The following NME5 variants were observed in gnomAD, a reference collection of about 807,000 sequenced individuals.
NME5 encodes nucleoside diphosphate kinase 5.
Under a neutral mutation model 21.6 loss-of-function variants are expected in NME5, and 18 were observed. That is an observed-to-expected ratio of 0.83 (90% CI 0.58 to 1.24). The LOEUF (loss-of-function observed/expected upper bound fraction) is 1.24, where lower values mean the gene tolerates loss of function less well. NME5 is among the 50% of genes most tolerant of loss of function. NME5 has a pLI of 0.00. For synonymous variants in NME5, 70 were observed against 80.6 expected (o/e 0.87, Z 0.71); for missense variants, 223 against 255.4 (o/e 0.87, Z 0.86).
At chr5:138,127,376 T>C in intron 4 of NME5, 1 of 586,832 alleles carries the variant, frequency 1.7e-6, no homozygotes. Flanking sequence ...TTGTATCACA[T>C]CAGTTATTCA....
At chr5:138,132,757 C>T (rs1019670098) in intron 2 of NME5, among the ~76,000 whole-genome samples, 9 of 152,134 alleles carry the variant, frequency 5.9e-5, no homozygotes, top group African/African-American at 2.2e-4. Flanking sequence ...GAATAGGACC[C>T]ACTGGATTCT....
intron 4 of NME5, among the ~76,000 whole-genome samples, chr5:138,122,802 T>C (rs1581378273): frequency 6.6e-6 from 1 of 151,898 alleles, no homozygotes; most frequent in East Asian, 1.9e-4. Flanking sequence ...CTCAGCCTCC[T>C]GAGTAGCTGG....
In NME5 at chr5:138,129,243, C is replaced by T. The variant is rs745880597; in HGVS notation, c.335+20G>A. 61 of 1,549,374 alleles carry T rather than the reference C, an allele frequency of 3.9e-5. No homozygotes were observed. Among genetic ancestry groups the T allele is most frequent in the Non-Finnish European group, 5.2e-5 (58 of 1,121,546 alleles). ...CAGATGGATTCCATTCCCTGCCATC[C>T]CCCAAACCCTGAAAATTACCTGTCT... is the stretch of plus-strand genomic sequence containing the variant. On this transcript the variant is annotated intron_variant, in intron 3 of 5. Transcript: ENST00000265191.
rs34623624 is a variant in NME5, at chr5:138,117,204, C to CA, written c.556-1441dup. Among the ~76,000 whole-genome samples, 393 of 63,348 alleles carry CA rather than the reference C, an allele frequency of 6.2e-3. 2 individuals carry two copies. The highest frequency in any genetic ancestry group is 0.01 in the East Asian group (23 of 2,230). The allele number at this position is 63,348 out of a possible 152,430, so 41.6% of individuals were successfully genotyped here. On this transcript the variant is annotated intron_variant, in intron 5 of 5. Transcript: ENST00000265191. ...AGCATGGGGAACAAAGACCCTGTCTCAAAAAAAAAAAAAAAAAAAAAAGGA... is the reference window on the plus strand; with the variant it reads ...AGCATGGGGAACAAAGACCCTGTCTCAAAAAAAAAAAAAAAAAAAAAAAGGA...
chr5:138,117,204 CAAAAAAAAAAAAAA>C (rs34623624), intron 5 of NME5, among the ~76,000 whole-genome samples: 8 of 63,576 alleles, frequency 1.3e-4, no homozygotes, highest in Non-Finnish European at 1.7e-4. Flanking sequence ...GACCCTGTCT[CAAAAAAAAAAAAAA>C]AAAAAAAAGG....
At chr5:138,118,988 T>C (rs756584834) in intron 4 of NME5, 52 bp from the exon 5 acceptor site, 5 of 1,033,146 alleles carry the variant, frequency 4.8e-6, no homozygotes, top group Non-Finnish European at 7.3e-6. Context: ...TTAAATACTA[T>C]ACAATCATTA....
rs142834118 is a variant in NME5 at position 138,123,687 on chromosome 5, T to C, written c.437-4751A>G. Among the ~76,000 whole-genome samples the C allele has an allele frequency of 3.7e-3, 564 of 152,298 alleles. 3 individuals carry two copies. The highest frequency in any genetic ancestry group is 0.013 in the African/African-American group (537 of 41,562). The stretch of plus-strand genomic sequence containing the variant: ...CCACAATGAACATTATTGTGGTTCA[T>C]TGGTGCAGGTATCTCTTCAAGATCC... On this transcript the variant is annotated intron_variant, in intron 4 of 5. Transcript: ENST00000265191.
chr5:138,127,412 G>GA (rs1157326178), intron 4 of NME5: 21 of 928,504 alleles, frequency 2.3e-5, no homozygotes, highest in Non-Finnish European at 2.6e-5. Context: ...CCAAAAAAAA[G>GA]AAAAAAAATA....
At chr5:138,137,828 G>A (rs10041215) in intron 2 of NME5, among the ~76,000 whole-genome samples, 44,574 of 150,668 alleles carry the variant, frequency 0.3, 7,489 homozygotes, top group South Asian at 0.42. Flanking sequence ...GTAAAACCCC[G>A]TCTCTACTAA....
chr5:138,133,278 T>A (rs1173852952), intron 2 of NME5, among the ~76,000 whole-genome samples: 1 of 151,984 alleles, frequency 6.6e-6, no homozygotes, highest in African/African-American at 2.4e-5. Flanking sequence ...TTTTTTTTTT[T>A]TGTATTTTTA....
chr5:138,125,547 C>A (rs1751377556), intron 4 of NME5, among the ~76,000 whole-genome samples: 1 of 152,148 alleles, frequency 6.6e-6, no homozygotes, highest in Non-Finnish European at 1.5e-5. Flanking sequence ...CCATTGCATT[C>A]CATCTGGAGT....
At chr5:138,132,853 G>A (rs971723271) in intron 2 of NME5, among the ~76,000 whole-genome samples, 1 of 152,034 alleles carries the variant, frequency 6.6e-6, no homozygotes, top group African/African-American at 2.4e-5. Context: ...TAAAAGATGT[G>A]AGAAATTACA....
At chr5:138,122,550 T>C (rs1291539679) in intron 4 of NME5, among the ~76,000 whole-genome samples, 1 of 151,750 alleles carries the variant, frequency 6.6e-6, no homozygotes. Context: ...GTATTACTCA[T>C]GTACACAAAA....
chr5:138,131,517 T>C (rs1040734507), intron 2 of NME5, among the ~76,000 whole-genome samples: 13 of 151,724 alleles, frequency 8.6e-5, no homozygotes, highest in African/African-American at 1.5e-4. Flanking sequence ...ATAGCACCAT[T>C]GCACTCCAGC....
chr5:138,129,225 A>T, intron 3 of NME5, 38 bp downstream of exon 3: 1 of 1,377,290 alleles, frequency 7.3e-7, no homozygotes, highest in Non-Finnish European at 1.0e-6. Flanking sequence ...TCACAGATGG[A>T]TTCCATTCCC....
chr5:138,118,637 A>C (rs1751216644), intron 5 of NME5, among the ~76,000 whole-genome samples, 181 bp downstream of exon 5: 1 of 151,740 alleles, frequency 6.6e-6, no homozygotes, highest in Admixed American at 6.6e-5. Flanking sequence ...GGCACATGCC[A>C]CCACGCCCAG....
rs753652821 is a variant in NME5 at position 138,118,818 on chromosome 5, C to A, written c.555G>T (p.Leu185Phe). The A allele has an allele frequency of 1.3e-6, 2 of 1,581,354 alleles. No individual in the cohort carries two copies. The highest frequency in any genetic ancestry group is 1.7e-6 in the Non-Finnish European group (2 of 1,150,580). Reference protein sequence around the residue: ...ELCKQKPADPLIWLADWLLKN... With the variant: ...ELCKQKPADPFIWLADWLLKN... ...AAGTGTGAATAAAAATATTTCTTAC[C>A]AAAGGATCTGCTGGTTTTTGCTTAC... The change falls in exon 5 of 6, where the codon TTG becomes TTT. Residue 185 changes from leucine to phenylalanine, a missense_variant and splice_region_variant. Transcript: ENST00000265191.
At chr5:138,116,690 T>C (rs1201391468) in intron 5 of NME5, 2 of 153,458 alleles carry the variant, frequency 1.3e-5, no homozygotes, top group Non-Finnish European at 2.9e-5. Context: ...AAAAAAAGAA[T>C]GAGAATCCAG....
At chr5:138,132,193 C>T (rs1045843634) in intron 2 of NME5, among the ~76,000 whole-genome samples, 5 of 152,102 alleles carry the variant, frequency 3.3e-5, no homozygotes, top group Non-Finnish European at 7.3e-5. Context: ...AACCCCGTCT[C>T]TACAAAAAAT....
Sources: allele counts gnomAD v4.1 joint callset (sites outside exome capture counted in the v4.1 genomes callset), GRCh38; gene constraint gnomAD v4.1.1; transcripts MANE v1.5; gene names NCBI Gene and HGNC (gene_info 2026-07-23, HGNC 2026-07-21).